The following DNAJB14 variants were observed in gnomAD, a reference collection of about 807,000 sequenced individuals.
DNAJB14 encodes the protein dnaJ homolog subfamily B member 14.
Under a neutral mutation model 48.4 loss-of-function variants are expected in DNAJB14, and 22 were observed. That is an observed-to-expected ratio of 0.45 (90% CI 0.32 to 0.65). DNAJB14 has a LOEUF of 0.65. Ranked by LOEUF, DNAJB14 falls within the 30% of genes least tolerant of loss-of-function variation. The pLI is 0.03. For missense variants in DNAJB14, 319 were observed against 458.8 expected, an observed-to-expected ratio of 0.70 and a Z score of 2.78; for synonymous variants, 142 against 158.7, an observed-to-expected ratio of 0.89 and a Z score of 0.79.
rs558840734 is a variant in DNAJB14, at chr4:99,946,095, T to G, written c.133+344A>C. 1.3e-4 allele frequency among the ~76,000 whole-genome samples: 20 copies of G among 152,288 alleles called. No homozygotes were observed. The East Asian group carries it at 3.7e-3, about 28-fold the overall frequency. ...GAGAATGGGGAGGGAGGGGGCCACATAAACAACACAGATACAAATAAAGCC... is the reference window on the plus strand; with the variant it reads ...GAGAATGGGGAGGGAGGGGGCCACAGAAACAACACAGATACAAATAAAGCC... On this transcript the variant is annotated intron_variant, in intron 1 of 7. Coordinates refer to ENST00000442697, the MANE Select transcript of DNAJB14 (RefSeq NM_001031723.4).
intron 3 of DNAJB14, among the ~76,000 whole-genome samples, chr4:99,914,507 G>A (rs1323519607): frequency 6.6e-6 from 1 of 152,116 alleles, no homozygotes; most frequent in Non-Finnish European, 1.5e-5. Context: ...GGTGGGGGGA[G>A]TGGCGAGGGA....
At chr4:99,913,181 T>A (rs150663717) in intron 3 of DNAJB14, among the ~76,000 whole-genome samples, 59 of 152,280 alleles carry the variant, frequency 3.9e-4, no homozygotes, top group African/African-American at 1.4e-3. Flanking sequence ...ATTTCCTTTT[T>A]CTCTCTTTAA....
At chr4:99,925,742 TATA>T (rs1292189360) in intron 2 of DNAJB14, 1 of 152,028 alleles carries the variant, frequency 6.6e-6, no homozygotes, top group Non-Finnish European at 1.5e-5. Flanking sequence ...ATAAGTAAAA[TATA>T]ATGTACATCA....
At chr4:99,931,448 A>G (rs1034930757) in intron 1 of DNAJB14, among the ~76,000 whole-genome samples, 2 of 152,120 alleles carry the variant, frequency 1.3e-5, no homozygotes, top group Non-Finnish European at 2.9e-5. Context: ...TGTGCTTAAA[A>G]CTTTCCATAA....
chr4:99,941,204 C>T (rs1264265276), intron 1 of DNAJB14, among the ~76,000 whole-genome samples: 3 of 151,918 alleles, frequency 2.0e-5, no homozygotes, highest in Non-Finnish European at 2.9e-5. Context: ...AGTTCCTGAC[C>T]GCTAAGGTAT....
At chr4:99,903,275 T>A (rs1725354732) in intron 7 of DNAJB14, among the ~76,000 whole-genome samples, 1 of 152,032 alleles carries the variant, frequency 6.6e-6, no homozygotes, top group Non-Finnish European at 1.5e-5. Context: ...GTGTACAAAG[T>A]AAAGAAAAAA....
intron 3 of DNAJB14, among the ~76,000 whole-genome samples, chr4:99,917,532 A>G (rs1725899350): frequency 6.6e-6 from 1 of 152,200 alleles, no homozygotes; most frequent in African/African-American, 2.4e-5. Context: ...AGGTTTCAAC[A>G]TATGAACTTT....
chr4:99,910,568 G>A (rs970698033), intron 3 of DNAJB14, among the ~76,000 whole-genome samples: 1 of 151,602 alleles, frequency 6.6e-6, no homozygotes, highest in African/African-American at 2.4e-5. Flanking sequence ...TCCTTTTTTA[G>A]AAAAAATAAT....
chr4:99,943,598 T>C (rs899418816), intron 1 of DNAJB14, among the ~76,000 whole-genome samples: 1 of 152,198 alleles, frequency 6.6e-6, no homozygotes, highest in Admixed American at 6.5e-5. Context: ...ATGAGATCAG[T>C]ACATTGTCTC....
At position 99,905,629 on chromosome 4, in the gene DNAJB14, G is replaced by C. The variant is rs754157597; in HGVS notation, c.810C>G (p.Val270=). Reference sequence around the variant, plus strand: ...GATATAAGGAATAAGGAGGATTAGAGACCATCAACTGGCTTAATAATGACA... The same window carrying C: ...GATATAAGGAATAAGGAGGATTAGACACCATCAACTGGCTTAATAATGACA... ...ILVSLLSQLM[V]SNPPYSLYPR... Residue 270 remains valine (V), a synonymous_variant, in exon 6 of 8, where the codon GTC becomes GTG. Coordinates refer to ENST00000442697, the MANE Select transcript of DNAJB14 (RefSeq NM_001031723.4). 6.2e-7 allele frequency: 1 copy of C among 1,611,486 alleles called. No individual in the cohort carries two copies. Among genetic ancestry groups the C allele is most frequent in the African/African-American group, 1.3e-5 (1 of 74,796 alleles).
At chr4:99,912,697 T>C (rs1725708681) in intron 3 of DNAJB14, among the ~76,000 whole-genome samples, 1 of 152,196 alleles carries the variant, frequency 6.6e-6, no homozygotes, top group South Asian at 2.1e-4. Context: ...CAGGCTGGTC[T>C]AAAGCTCCCG....
intron 1 of DNAJB14, chr4:99,942,138 A>C (rs1469180765): frequency 6.6e-6 from 1 of 152,078 alleles, no homozygotes; most frequent in East Asian, 1.9e-4. Context: ...AAAATTAGGA[A>C]GAAAAAGGAC....
chr4:99,916,000 C>G lies in DNAJB14; in HGVS notation c.451+7040G>C, dbSNP rs1725842097. Among the ~76,000 whole-genome samples, 3 of 152,110 alleles carry G rather than the reference C, an allele frequency of 2.0e-5. No homozygotes were observed. The South Asian group carries it at 6.2e-4, about 31-fold the overall frequency. On this transcript the variant is annotated intron_variant, in intron 3 of 7. Transcript: ENST00000442697. ...TACTTCTCTGGTAATTTTTTTTACT[C>G]TAAAACCTACTTGCTCTAATATTAA... is the stretch of plus-strand genomic sequence containing the variant.
At position 99,899,138 on chromosome 4, in the gene DNAJB14, T is replaced by C. The variant is rs904139582; in HGVS notation, c.*1890A>G. ...ACTTTGTACAATAACTTCACCTATCTCCTTAAAGCTGGGATTAAGGGAAAA... is the reference window on the plus strand; with the variant it reads ...ACTTTGTACAATAACTTCACCTATCCCCTTAAAGCTGGGATTAAGGGAAAA... On this transcript the variant is annotated 3_prime_UTR_variant, in exon 8 of 8. Transcript: ENST00000442697. The C allele has an allele frequency of 2.0e-5, 3 of 151,730 alleles. No homozygotes were observed. Among genetic ancestry groups the C allele is most frequent in the African/African-American group, 7.2e-5 (3 of 41,384 alleles). The allele number at this position is 151,730 out of a possible 1,614,324, so 9.4% of individuals were successfully genotyped here.
chr4:99,946,201 C>T (rs1727062363), intron 1 of DNAJB14, among the ~76,000 whole-genome samples: 1 of 152,222 alleles, frequency 6.6e-6, no homozygotes, highest in African/African-American at 2.4e-5. Context: ...AACGCGGAGC[C>T]GGCGGGCAGG....
intron 3 of DNAJB14, among the ~76,000 whole-genome samples, chr4:99,917,441 G>C (rs1725895883): frequency 6.6e-6 from 1 of 152,116 alleles, no homozygotes; most frequent in Non-Finnish European, 1.5e-5. Flanking sequence ...GTTCACAAAT[G>C]GTTCCTTCTA....
rs1009058101 is a variant in DNAJB14, at chr4:99,930,555, G to A, written c.200C>T (p.Ser67Leu). ...AGNSPHCRKP[S>L]GSGDQSKPNC... ...AGGCTTGCTTTGATCGCCACTACCT[G>A]ATGGTTTTCGGCAATGAGGGCTATT... Residue 67 changes from serine (S) to leucine (L), a missense_variant, in exon 2 of 8, where the codon TCA (serine) becomes TTA (leucine). Physicochemically the swap from Ser to Leu is moderately radical, Grantham distance 145. This residue lies in a region of DNAJB14 where 116 missense variants were observed against 134.6 expected (regional missense o/e 0.86). Coordinates refer to ENST00000442697, the MANE Select transcript of DNAJB14 (RefSeq NM_001031723.4). 13 of 1,612,574 alleles carry A rather than the reference G, an allele frequency of 8.1e-6. No homozygotes were observed. In the East Asian group the frequency reaches 1.1e-4, roughly 14 times the overall value.
Position 99,930,496 on chromosome 4 carries a change from C to T in DNAJB14, c.259G>A (p.Glu87Lys). Residue 87 changes from glutamate (E) to lysine (K), a missense_variant, in exon 2 of 8, where the codon GAA (glutamate) becomes AAA (lysine). Physicochemically the swap from Glu to Lys is moderately conservative, Grantham distance 56 (BLOSUM62 1). Transcript: ENST00000442697. ...TCTTTGGTATAGCCTTTTCCACCTT[C>T]ACCACTACCAGATGTGCTGTCCTTT... Reference protein sequence around the residue: ...CTKDSTSGSGEGGKGYTKDQV... With the variant: ...CTKDSTSGSGKGGKGYTKDQV... 1.9e-6 allele frequency: 3 copies of T among 1,610,048 alleles called. No homozygotes were observed. The highest frequency in any genetic ancestry group is 2.5e-6 in the Non-Finnish European group (3 of 1,177,922).
intron 1 of DNAJB14, among the ~76,000 whole-genome samples, chr4:99,944,195 T>C (rs1225468487): frequency 1.3e-5 from 2 of 152,152 alleles, no homozygotes; most frequent in Admixed American, 6.5e-5. Context: ...CACAATGAGA[T>C]ATCACCTCCC....
Sources: allele counts gnomAD v4.1 joint callset (sites outside exome capture counted in the v4.1 genomes callset), GRCh38; gene constraint gnomAD v4.1.1; regional missense constraint gnomAD v4.1.1; transcripts MANE v1.5; gene names NCBI Gene and HGNC (gene_info 2026-07-23, HGNC 2026-07-21).